Variants in NBPF3 observed in about 807,000 individuals in gnomAD.
The protein encoded by NBPF3 is NBPF family member NBPF3.
In NBPF3, 57 loss-of-function variants were observed where a neutral mutation model predicts 78.1. The observed-to-expected ratio is 0.73, with a 90% CI of 0.59 to 0.91. NBPF3 has a LOEUF of 0.91. Among genes scored for constraint, NBPF3 ranks in the 40% least tolerant of loss-of-function variants. The probability of loss-of-function intolerance (pLI) is 0.00; values close to 1 mark genes in which losing one functional copy is unlikely to be tolerated. For synonymous variants in NBPF3, 182 were observed against 271.7 expected (o/e 0.67, Z 3.25); for missense variants, 510 against 715.3 (o/e 0.71, Z 3.27).
chr1:21,448,070 C>T (rs1367869444), intron 2 of NBPF3, among the ~76,000 whole-genome samples: 2 of 152,006 alleles, frequency 1.3e-5, no homozygotes, highest in African/African-American at 2.4e-5. Flanking sequence ...ATATTTTCTG[C>T]CAGTCTGTGA....
Position 21,457,838 on chromosome 1 carries a change from T to A in NBPF3, c.134-10850T>A, listed in dbSNP as rs189370819. On this transcript the variant is annotated intron_variant, in intron 2 of 14. Transcript: ENST00000318249. ...AGACTGAGGGGTGGACTGCTATTTC[T>A]TGTGGCCCAGTAACGAGATGCAGAT... is the stretch of plus-strand genomic sequence containing the variant. Among the ~76,000 whole-genome samples, 3 of 152,300 alleles carry A rather than the reference T, an allele frequency of 2.0e-5. No individual in the cohort carries two copies. In the East Asian group the frequency reaches 5.8e-4, roughly 29 times the overall value.
chr1:21,469,907 G>C (rs531093555), intron 3 of NBPF3, among the ~76,000 whole-genome samples: 28 of 152,138 alleles, frequency 1.8e-4, no homozygotes, highest in Non-Finnish European at 3.7e-4. Flanking sequence ...CTGTCCCTCA[G>C]TTTCCTCATC....
intron 2 of NBPF3, chr1:21,467,054 G>T (rs1369650837): frequency 2.1e-5 from 21 of 984,480 alleles, no homozygotes; most frequent in Non-Finnish European, 2.3e-5. Flanking sequence ...TGAACCTGCA[G>T]TTTTATCATT....
At chr1:21,469,991 A>G (rs906764706) in intron 3 of NBPF3, among the ~76,000 whole-genome samples, 4 of 146,212 alleles carry the variant, frequency 2.7e-5, no homozygotes, top group African/African-American at 1.0e-4. Flanking sequence ...TTTCTTGTCA[A>G]TCTCCTAGAA....
chr1:21,457,492 C>T (rs1641695884), intron 2 of NBPF3, among the ~76,000 whole-genome samples: 1 of 151,772 alleles, frequency 6.6e-6, no homozygotes, highest in African/African-American at 2.4e-5. Context: ...ATAGATACTT[C>T]AGTAAAGAAG....
chr1:21,448,419 T>A (rs1036163718), intron 2 of NBPF3, among the ~76,000 whole-genome samples: 3 of 152,168 alleles, frequency 2.0e-5, no homozygotes, highest in Non-Finnish European at 4.4e-5. Flanking sequence ...TCTCTAAACC[T>A]TCATGGACGA....
chr1:21,440,426 C>A (rs1221680626), intron 1 of NBPF3, 78 bp downstream of exon 1: 1 of 144,082 alleles, frequency 6.9e-6, no homozygotes, highest in African/African-American at 2.6e-5. Flanking sequence ...GCGCGGCCGT[C>A]GCAAGTTTTG....
Position 21,471,716 on chromosome 1 carries a change from G to A in NBPF3, c.594G>A (p.Arg198=). ...ATGAGCCGGACAACTCCCAGGGACGGGACCTCCGAGAACAGCTGGCTGAGG... is the reference window on the plus strand; with the variant it reads ...ATGAGCCGGACAACTCCCAGGGACGAGACCTCCGAGAACAGCTGGCTGAGG... The part of the protein sequence containing the change: ...TPDEPDNSQG[R]DLREQLAEGC... Residue 198 remains arginine (R), a synonymous_variant, in exon 5 of 15, where the codon CGG becomes CGA. Transcript: ENST00000318249. 6.2e-7 allele frequency: 1 copy of A among 1,611,948 alleles called. No individual in the cohort carries two copies. The highest frequency in any genetic ancestry group is 8.5e-7 in the Non-Finnish European group (1 of 1,179,314).
intron 3 of NBPF3, among the ~76,000 whole-genome samples, chr1:21,470,340 C>T (rs552541945): frequency 3.9e-5 from 6 of 152,336 alleles, no homozygotes; most frequent in South Asian, 2.1e-4. Context: ...AAAGTGGCCC[C>T]GCATTCAGAG....
intron 8 of NBPF3, among the ~76,000 whole-genome samples, chr1:21,477,063 C>T (rs774091418): frequency 2.3e-4 from 35 of 152,100 alleles, no homozygotes; most frequent in Non-Finnish European, 4.4e-4. Flanking sequence ...TCCACTTGAT[C>T]GAATCGGCTA....
upstream of NBPF3, among the ~76,000 whole-genome samples, chr1:21,439,397 G>A (rs1640504823): frequency 6.6e-6 from 1 of 152,034 alleles, no homozygotes; most frequent in South Asian, 2.1e-4. Flanking sequence ...GCTAAGGCAG[G>A]ACAATAGCTT....
chr1:21,442,326 C>T (rs2147887834), intron 1 of NBPF3: 1 of 152,192 alleles, frequency 6.6e-6, no homozygotes, highest in East Asian at 1.9e-4. Context: ...GATGATCCCC[C>T]TGCCTCAGCC....
At chr1:21,479,509 T>A (rs1643067073) in intron 10 of NBPF3, 109 bp downstream of exon 10, 3 of 970,210 alleles carry the variant, frequency 3.1e-6, no homozygotes, top group South Asian at 1.3e-5. Flanking sequence ...GTCAGACAAG[T>A]CTGAATTATG....
upstream of NBPF3, among the ~76,000 whole-genome samples, chr1:21,437,188 C>T (rs1021207436): frequency 6.6e-6 from 1 of 151,780 alleles, no homozygotes; most frequent in Non-Finnish European, 1.5e-5. Flanking sequence ...GAACTAGGGG[C>T]AGAGCCAGGG....
At chr1:21,448,903 TG>T (rs1641142997) in intron 2 of NBPF3, among the ~76,000 whole-genome samples, 1 of 152,182 alleles carries the variant, frequency 6.6e-6, no homozygotes, top group African/African-American at 2.4e-5. Flanking sequence ...TTTCTAGCTG[TG>T]AGGACAAGTG....
At chr1:21,452,726 T>C (rs1641382278) in intron 2 of NBPF3, among the ~76,000 whole-genome samples, 1 of 152,220 alleles carries the variant, frequency 6.6e-6, no homozygotes, top group African/African-American at 2.4e-5. Context: ...TGCCCCTGAC[T>C]CTGGGACCAT....
At chr1:21,440,448 C>A (rs1486726424) in intron 1 of NBPF3, 100 bp downstream of exon 1, 1 of 15,904 alleles carries the variant, frequency 6.3e-5, no homozygotes, top group Non-Finnish European at 1.2e-4. Context: ...TGCGCGAGCG[C>A]GGGGGCGGGT....
upstream of NBPF3, chr1:21,437,358 T>G: frequency 1.8e-6 from 1 of 544,360 alleles, no homozygotes; most frequent in Non-Finnish European, 3.0e-6. Context: ...CCCAGGGAGG[T>G]GAGGGCTCAG....
At chr1:21,467,078 A>G in intron 2 of NBPF3, 15 of 984,626 alleles carry the variant, frequency 1.5e-5, no homozygotes, top group Non-Finnish European at 1.8e-5. Flanking sequence ...AAAATAAAGA[A>G]ACATGACAGA....
Sources: allele counts gnomAD v4.1 joint callset (sites outside exome capture counted in the v4.1 genomes callset), GRCh38; gene constraint gnomAD v4.1.1; transcripts MANE v1.5; gene names NCBI Gene and HGNC (gene_info 2026-07-23, HGNC 2026-07-21).